TRDN: variants seen among roughly 807,000 people sequenced by gnomAD.
TRDN encodes the protein triadin, also known as triadin in skeletal muscle.
TRDN carries 161 observed loss-of-function variants against 149.7 expected under a neutral mutation model. The ratio of observed to expected loss-of-function variants is 1.08; its 90% CI spans 0.95 to 1.23. TRDN has a LOEUF of 1.23. TRDN is among the 50% of genes most tolerant of loss of function. TRDN has a pLI of 0.00. For synonymous variants in TRDN, 294 were observed against 250.5 expected (o/e 1.17, Z -1.64); for missense variants, 896 against 823.5 (o/e 1.09, Z -1.08).
In TRDN at chr6:123,400,687, G is replaced by A. The variant is rs1398789747; in HGVS notation, c.1052-7010C>T. Among the ~76,000 whole-genome samples, 6 of 152,136 alleles carry A rather than the reference G, an allele frequency of 3.9e-5. No individual in the cohort carries two copies. In the East Asian group the frequency reaches 1.2e-3, roughly 29 times the overall value. On this transcript the variant is annotated intron_variant, in intron 12 of 40. Transcript: ENST00000334268. ...ATGCCCACTTTACATATAAGGTAGA[G>A]AGAGTGCTTTCCTCATTAAAGGGTG...
chr6:123,243,653 C>A (rs921892451), intron 38 of TRDN, among the ~76,000 whole-genome samples: 1 of 151,886 alleles, frequency 6.6e-6, no homozygotes, highest in Non-Finnish European at 1.5e-5. Flanking sequence ...ACATTGGAAA[C>A]CTTTATCAAG....
In TRDN at chr6:123,464,859, CTATTT is replaced by C. The variant is rs777505218; in HGVS notation, c.931+42_931+46del. 1.5e-5 allele frequency: 23 copies of C among 1,545,276 alleles called. No individual in the cohort carries two copies. The South Asian group carries it at 2.8e-4, about 19-fold the overall frequency. ...TTTGTTGTTGCTGTTCCTCTACATT[CTATTT>C]TATCTACAATAGAGATCTTTAAGAA... On this transcript the variant is annotated intron_variant, in intron 10 of 40. Transcript: ENST00000334268.
chr6:123,310,131 C>T (rs1778763491), intron 24 of TRDN, among the ~76,000 whole-genome samples: 1 of 151,994 alleles, frequency 6.6e-6, no homozygotes, highest in African/African-American at 2.4e-5. Flanking sequence ...CAGTAAATCG[C>T]ATATTTCAGT....
intron 12 of TRDN, among the ~76,000 whole-genome samples, chr6:123,422,544 C>G (rs1773952513): frequency 6.6e-6 from 1 of 151,990 alleles, no homozygotes; most frequent in African/African-American, 2.4e-5. Flanking sequence ...ATTGGAATTC[C>G]AAGAAAAGCA....
chr6:123,229,358 G>A (rs1323082693), intron 38 of TRDN, among the ~76,000 whole-genome samples: 1 of 151,920 alleles, frequency 6.6e-6, no homozygotes. Flanking sequence ...ATTTTGTTTG[G>A]TCAAGTAGTC....
At chr6:123,587,594 G>A (rs547885903) in intron 1 of TRDN, among the ~76,000 whole-genome samples, 40 of 152,242 alleles carry the variant, frequency 2.6e-4, no homozygotes, top group Admixed American at 5.9e-4. Flanking sequence ...GATCTGAGTC[G>A]CGGCACCAAA....
intron 9 of TRDN, among the ~76,000 whole-genome samples, chr6:123,481,534 C>T (rs1777750827): frequency 1.3e-5 from 2 of 151,988 alleles, no homozygotes; most frequent in Non-Finnish European, 2.9e-5. Context: ...TATAATTTCC[C>T]CTGGTTCAAT....
chr6:123,486,211 G>A (rs927809021), intron 9 of TRDN, among the ~76,000 whole-genome samples: 6 of 150,760 alleles, frequency 4.0e-5, no homozygotes, highest in Non-Finnish European at 8.9e-5. Context: ...ATATCTAAAC[G>A]TCTTATAACA....
chr6:123,435,488 ATC>A (rs745701265), intron 12 of TRDN, among the ~76,000 whole-genome samples: 2 of 139,810 alleles, frequency 1.4e-5, no homozygotes, highest in East Asian at 3.9e-4. Flanking sequence ...CTGAAACTCA[ATC>A]TCTCTGTCTC....
intron 24 of TRDN, among the ~76,000 whole-genome samples, chr6:123,288,792 A>G (rs1392378494): frequency 6.6e-6 from 1 of 152,090 alleles, no homozygotes; most frequent in East Asian, 1.9e-4. Flanking sequence ...ATAAATTAGT[A>G]CAGGCACTTT....
chr6:123,381,513 A>G (rs1781719943), intron 15 of TRDN, 123 bp from the exon 16 acceptor site: 2 of 873,660 alleles, frequency 2.3e-6, no homozygotes, highest in South Asian at 3.3e-5. Flanking sequence ...CTTAAATTTC[A>G]CAATGAGGTG....
rs1202221819 is a variant in TRDN at position 123,216,591 on chromosome 6, C to G, written c.*2010G>C. On this transcript the variant is annotated 3_prime_UTR_variant, in exon 41 of 41. Coordinates refer to ENST00000334268, the MANE Select transcript of TRDN (RefSeq NM_006073.4). The stretch of plus-strand genomic sequence containing the variant: ...TCAGAGGAAAAACTAGTGCCATACC[C>G]AAAAGTATTACTTCAGAAATTTACT... The G allele has an allele frequency of 1.3e-5, 2 of 151,628 alleles. No homozygotes were observed. The highest frequency in any genetic ancestry group is 2.9e-5 in the Non-Finnish European group (2 of 67,884). The allele number at this position is 151,628 out of a possible 1,614,324, so 9.4% of individuals were successfully genotyped here. A position where few individuals can be genotyped will look rare whatever the true frequency, so the allele number is the denominator to read the frequency against.
At chr6:123,265,463 C>A (rs1562236669) in intron 32 of TRDN, 125 bp from the exon 33 acceptor site, 1 of 549,868 alleles carries the variant, frequency 1.8e-6, no homozygotes, top group Non-Finnish European at 3.0e-6. Context: ...CTTATATCAA[C>A]AATGAACAGT....
At chr6:123,365,340 A>G (rs1781053919) in intron 20 of TRDN, among the ~76,000 whole-genome samples, 1 of 152,170 alleles carries the variant, frequency 6.6e-6, no homozygotes, top group Admixed American at 6.6e-5. Flanking sequence ...TTTATACTGT[A>G]TCAATAAACA....
intron 12 of TRDN, among the ~76,000 whole-genome samples, chr6:123,417,925 C>T (rs1190543561): frequency 6.6e-6 from 1 of 152,094 alleles, no homozygotes; most frequent in Non-Finnish European, 1.5e-5. Flanking sequence ...AGCAAAGACA[C>T]CAGGGATGAT....
chr6:123,310,420 G>A (rs1778775917), intron 24 of TRDN, among the ~76,000 whole-genome samples: 3 of 151,998 alleles, frequency 2.0e-5, no homozygotes, highest in African/African-American at 4.8e-5. Context: ...TTTCATTGCA[G>A]CTATACCAGC....
At chr6:123,231,587 C>T (rs1261209931) in intron 38 of TRDN, among the ~76,000 whole-genome samples, 1 of 151,780 alleles carries the variant, frequency 6.6e-6, no homozygotes, top group African/African-American at 2.4e-5. Context: ...TTATAGAGGC[C>T]CTAGACTCCT....
At chr6:123,305,524 T>G (rs1778576806) in intron 24 of TRDN, among the ~76,000 whole-genome samples, 1 of 152,124 alleles carries the variant, frequency 6.6e-6, no homozygotes, top group South Asian at 2.1e-4. Context: ...AGGCAAGTTC[T>G]AAAGAACAAT....
chr6:123,585,561 C>T (rs964784880), intron 1 of TRDN, among the ~76,000 whole-genome samples: 21 of 152,274 alleles, frequency 1.4e-4, no homozygotes, highest in Non-Finnish European at 2.6e-4. Flanking sequence ...AGTCTTCAGC[C>T]GCTAAGCCAA....
Sources: gnomAD v4.1 joint callset for allele counts (sites outside exome capture counted in the v4.1 genomes callset) on GRCh38, gnomAD v4.1.1 for gene constraint, MANE v1.5 for transcripts, NCBI Gene and HGNC (gene_info 2026-07-23, HGNC 2026-07-21) for gene names.